The following SRL variants were observed in gnomAD, a reference collection of about 807,000 sequenced individuals.
The protein encoded by SRL is sarcalumenin.
SRL carries 23 observed loss-of-function variants against 39.5 expected under a neutral mutation model. The ratio of observed to expected loss-of-function variants is 0.58; its 90% confidence interval spans 0.42 to 0.82. The LOEUF (loss-of-function observed/expected upper bound fraction) is 0.82. Among genes scored for constraint, SRL ranks in the 40% least tolerant of loss-of-function variants. The probability of loss-of-function intolerance (pLI) is 0.00; values close to 1 mark genes in which losing one functional copy is unlikely to be tolerated. For missense variants in SRL, 592 were observed against 607.8 expected (o/e 0.97, Z 0.27); for synonymous variants, 272 against 237.4 (o/e 1.15, Z -1.34).
intron 5 of SRL, among the ~76,000 whole-genome samples, chr16:4,193,790 T>C (rs1350958917): frequency 1.3e-5 from 2 of 151,932 alleles, no homozygotes; most frequent in African/African-American, 2.4e-5. Context: ...CTACCTGTCT[T>C]AAAAACATTG....
At chr16:4,231,554 G>A (rs564819413) in intron 1 of SRL, among the ~76,000 whole-genome samples, 5 of 152,152 alleles carry the variant, frequency 3.3e-5, no homozygotes, top group South Asian at 4.2e-4. Flanking sequence ...AGCATGCCCC[G>A]ACAACCGCTC....
intron 1 of SRL, among the ~76,000 whole-genome samples, chr16:4,234,148 AC>A (rs902304684): frequency 1.3e-5 from 2 of 152,076 alleles, no homozygotes; most frequent in African/African-American, 4.8e-5. Context: ...TGTACCCACT[AC>A]ATCCAGCTAT....
chr16:4,220,846 C>T (rs1409547956), intron 1 of SRL, among the ~76,000 whole-genome samples: 1 of 151,986 alleles, frequency 6.6e-6, no homozygotes, highest in African/African-American at 2.4e-5. Context: ...ATTAGCTGGG[C>T]CTCGCGGTAT....
intron 1 of SRL, among the ~76,000 whole-genome samples, chr16:4,236,892 A>G (rs1362355375): frequency 6.6e-6 from 1 of 151,242 alleles, no homozygotes; most frequent in African/African-American, 2.4e-5. Flanking sequence ...ATCTGCCCTC[A>G]GCCTCCCAAA....
At chr16:4,228,129 T>G (rs1213251882) in intron 1 of SRL, among the ~76,000 whole-genome samples, 1 of 152,214 alleles carries the variant, frequency 6.6e-6, no homozygotes. Flanking sequence ...TCCCTGACCA[T>G]TGGTGGCCAC....
intron 1 of SRL, among the ~76,000 whole-genome samples, chr16:4,228,595 C>T (rs1282088259): frequency 1.5e-4 from 23 of 150,510 alleles, no homozygotes; most frequent in African/African-American, 3.9e-4. Context: ...ATTAGTCAGG[C>T]GTGGTGGCGG....
At chr16:4,241,933 C>T in intron 1 of SRL, 74 bp downstream of exon 1, 3 of 1,561,290 alleles carry the variant, frequency 1.9e-6, no homozygotes, top group Non-Finnish European at 2.6e-6. Context: ...CCTACCCAAC[C>T]CATGGTAGAC....
intron 1 of SRL, chr16:4,206,632 CA>C (rs2052322017): frequency 2.2e-6 from 1 of 452,746 alleles, no homozygotes; most frequent in Non-Finnish European, 4.5e-6. Context: ...CACCCTCTGC[CA>C]CCTTCTGTCC....
At chr16:4,234,096 G>C (rs2052688610) in intron 1 of SRL, among the ~76,000 whole-genome samples, 1 of 152,042 alleles carries the variant, frequency 6.6e-6, no homozygotes, top group Admixed American at 6.6e-5. Flanking sequence ...CTAGGCTCAA[G>C]CCATCCTTCC....
intron 1 of SRL, among the ~76,000 whole-genome samples, chr16:4,227,567 G>A (rs2052607497): frequency 6.6e-6 from 1 of 151,770 alleles, no homozygotes; most frequent in Non-Finnish European, 1.5e-5. Context: ...GGATGGATTG[G>A]TGGACAGATG....
intron 1 of SRL, among the ~76,000 whole-genome samples, chr16:4,221,194 G>A (rs956993992): frequency 1.3e-5 from 2 of 152,008 alleles, no homozygotes; most frequent in African/African-American, 4.8e-5. Context: ...GACTACAGGT[G>A]CATGCCACCA....
intron 1 of SRL, among the ~76,000 whole-genome samples, chr16:4,240,549 G>A (rs2052761747): frequency 6.6e-6 from 1 of 152,138 alleles, no homozygotes; most frequent in African/African-American, 2.4e-5. Flanking sequence ...TGGGACCCAG[G>A]AAGGAAAGAC....
chr16:4,210,551 C>T (rs1026074454), intron 1 of SRL, among the ~76,000 whole-genome samples: 4 of 132,366 alleles, frequency 3.0e-5, no homozygotes, highest in Admixed American at 2.6e-4. Context: ...GTGCAGTGAA[C>T]GCGATCTCGG....
At chr16:4,233,077 G>T (rs1312956682) in intron 1 of SRL, among the ~76,000 whole-genome samples, 2 of 152,232 alleles carry the variant, frequency 1.3e-5, no homozygotes, top group African/African-American at 4.8e-5. Flanking sequence ...AGAGAGCGGG[G>T]AATAGGGAGG....
chr16:4,207,160 C>G (rs1014215754), intron 1 of SRL: 4 of 456,750 alleles, frequency 8.8e-6, no homozygotes, highest in African/African-American at 8.0e-5. Flanking sequence ...GCCCCATCGC[C>G]GCTGTCCTCT....
intron 1 of SRL, among the ~76,000 whole-genome samples, chr16:4,226,673 G>T (rs145290475): frequency 2.9e-4 from 44 of 151,996 alleles, no homozygotes. Context: ...AAGGATGATG[G>T]ATGGTTGAAT....
At chr16:4,205,215 G>A (rs1181277365) in intron 1 of SRL, among the ~76,000 whole-genome samples, 1 of 152,108 alleles carries the variant, frequency 6.6e-6, no homozygotes, top group Non-Finnish European at 1.5e-5. Flanking sequence ...TCAGGAAGCT[G>A]AGACAGGAGG....
At chr16:4,214,230 T>A (rs2052427955) in intron 1 of SRL, among the ~76,000 whole-genome samples, 1 of 152,238 alleles carries the variant, frequency 6.6e-6, no homozygotes, top group Non-Finnish European at 1.5e-5. Context: ...TGCAATCAAA[T>A]GTAGATTCTA....
intron 1 of SRL, 51 bp downstream of exon 1, chr16:4,241,956 A>C (rs2052777466): frequency 6.2e-7 from 1 of 1,604,572 alleles, no homozygotes; most frequent in African/African-American, 1.3e-5. Flanking sequence ...AAAACCTTGG[A>C]GGAAGCGTGG....
Sources: gnomAD v4.1 joint callset for allele counts (sites outside exome capture counted in the v4.1 genomes callset) on GRCh38, gnomAD v4.1.1 for gene constraint, MANE v1.5 for transcripts, NCBI Gene and HGNC (gene_info 2026-07-23, HGNC 2026-07-21) for gene names.